The following RECQL5 variants were observed in gnomAD, a reference collection of about 807,000 sequenced individuals.
The protein encoded by RECQL5 is ATP-dependent DNA helicase Q5.
RECQL5 carries 88 observed loss-of-function variants against 103.4 expected under a neutral mutation model. The observed-to-expected ratio is 0.85, with a 90% confidence interval of 0.72 to 1.02. The LOEUF is 1.02. RECQL5 is among the 50% of genes least tolerant of loss of function. RECQL5 has a pLI of 0.00. For synonymous variants in RECQL5, 552 were observed against 507.9 expected (o/e 1.09, Z -1.17); for missense variants, 1,232 against 1,284.3 (o/e 0.96, Z 0.62).
chr17:75,632,978 G>A (rs1430656097), intron 8 of RECQL5, among the ~76,000 whole-genome samples: 1 of 152,256 alleles, frequency 6.6e-6, no homozygotes, highest in East Asian at 1.9e-4. Flanking sequence ...CAGGCTCAAG[G>A]ATGCAAGGCT....
chr17:75,666,249 G>T (rs980137382), intron 2 of RECQL5, among the ~76,000 whole-genome samples, 179 bp downstream of exon 2: 1 of 152,070 alleles, frequency 6.6e-6, no homozygotes, highest in Non-Finnish European at 1.5e-5. Context: ...AACATGCCAA[G>T]ACCCCATCTC....
In RECQL5 at chr17:75,645,197, GT is replaced by G. The variant is rs1424502499; in HGVS notation, c.1229+5988del. Among the ~76,000 whole-genome samples the G allele has an allele frequency of 1.8e-4, 27 of 152,346 alleles. No homozygotes were observed. The East Asian group carries it at 4.6e-3, about 26-fold the overall frequency. ...AAAACCTTCTGGGTTTTTACAAAAT[GT>G]CCCTGATGTTTAGTTATCATGTCTG... On this transcript the variant is annotated intron_variant, in intron 8 of 19. Transcript: ENST00000317905.
intron 2 of RECQL5, 96 bp downstream of exon 2, chr17:75,666,332 G>T: frequency 2.2e-6 from 3 of 1,393,986 alleles, no homozygotes; most frequent in Non-Finnish European, 3.0e-6. Context: ...ATGGACCAAA[G>T]GTGAGGCAGT....
intron 3 of RECQL5, among the ~76,000 whole-genome samples, chr17:75,664,687 C>T (rs902849288): frequency 6.6e-6 from 1 of 151,618 alleles, no homozygotes; most frequent in Admixed American, 6.6e-5. Flanking sequence ...CCGAGGTGGG[C>T]GGATCATTTG....
Position 75,628,835 on chromosome 17 carries a change from C to A in RECQL5, c.2490-73G>T, listed in dbSNP as rs773008871. 2.5e-6 allele frequency: 4 copies of A among 1,600,630 alleles called. No homozygotes were observed. In the African/African-American group the frequency reaches 5.4e-5, roughly 22 times the overall value. ...CCTCATCCCAGGAGGCCTAGGAGAGCCCATCTCAGGGGTGAGCTCTGAGCT... is the reference window on the plus strand; with the variant it reads ...CCTCATCCCAGGAGGCCTAGGAGAGACCATCTCAGGGGTGAGCTCTGAGCT... On this transcript the variant is annotated intron_variant, in intron 16 of 19. Transcript: ENST00000317905.
intron 8 of RECQL5, among the ~76,000 whole-genome samples, chr17:75,643,757 G>A (rs563397715): frequency 6.4e-4 from 98 of 152,280 alleles, no homozygotes; most frequent in Non-Finnish European, 1.2e-3. Context: ...TTTAGAGGAC[G>A]TCTGACTTGG....
intron 3 of RECQL5, among the ~76,000 whole-genome samples, chr17:75,664,688 G>A (rs1000225625): frequency 3.3e-5 from 5 of 151,958 alleles, no homozygotes; most frequent in African/African-American, 4.8e-5. Context: ...CGAGGTGGGC[G>A]GATCATTTGA....
chr17:75,656,522 AT>A (rs547776703), intron 7 of RECQL5, among the ~76,000 whole-genome samples: 2,522 of 145,754 alleles, frequency 0.017, 33 homozygotes, highest in Middle Eastern at 0.035. Flanking sequence ...AAAGCTACTG[AT>A]TTTTTTTTTC....
At chr17:75,644,456 A>C (rs1295999907) in intron 8 of RECQL5, among the ~76,000 whole-genome samples, 1 of 151,948 alleles carries the variant, frequency 6.6e-6, no homozygotes, top group African/African-American at 2.4e-5. Flanking sequence ...TATAAAAAAA[A>C]ATTAGCCAGG....
Position 75,658,420 on chromosome 17 carries a change from AC to A in RECQL5, c.1026del (p.Tyr343ThrfsTer32). 1 of 1,613,976 alleles carries A rather than the reference AC, an allele frequency of 6.2e-7. No homozygotes were observed. The highest frequency in any genetic ancestry group is 8.5e-7 in the Non-Finnish European group (1 of 1,179,932). ...AHWNIAKSMAGYYQESGRAGR... is the reference protein window; with the variant it reads ...AHWNIAKSMAXYYQESGRAGR... ...CCAGCCCGGCCAGACTCCTGGTAGT[AC>A]CCAGCCATAGACTTGGCAATATTCC... On this transcript the variant is annotated frameshift_variant, in exon 7 of 20. Transcript: ENST00000317905. LOFTEE classifies it high-confidence loss of function.
chr17:75,629,928 A>G (rs1258891869), intron 14 of RECQL5, 86 bp from the exon 15 acceptor site: 3 of 1,491,756 alleles, frequency 2.0e-6, no homozygotes, highest in East Asian at 2.3e-5. Flanking sequence ...ACTAGGCACT[A>G]CAAGTGGGTT....
In RECQL5 at chr17:75,645,823, A is replaced by T. The variant is rs2059482678; in HGVS notation, c.1229+5363T>A. Among the ~76,000 whole-genome samples the T allele has an allele frequency of 2.0e-5, 3 of 152,118 alleles. 1 individual carries two copies. Among genetic ancestry groups the T allele is most frequent in the Admixed American group, 2.0e-4 (3 of 15,258 alleles). ...GTGTAAACAATACGACATCCTGGCAACCCCAGAGACTGATATAAGTGGTAC... is the reference window on the plus strand; with the variant it reads ...GTGTAAACAATACGACATCCTGGCATCCCCAGAGACTGATATAAGTGGTAC... On this transcript the variant is annotated intron_variant, in intron 8 of 19. Coordinates refer to ENST00000317905, the MANE Select transcript of RECQL5 (RefSeq NM_004259.7).
rs373138396 is a variant in RECQL5 at position 75,649,968 on chromosome 17, G to C, written c.1229+1218C>G. 3 of 985,570 alleles carry C rather than the reference G, an allele frequency of 3.0e-6. No individual in the cohort carries two copies. In the African/African-American group the frequency reaches 5.2e-5, roughly 17 times the overall value. The allele number at this position is 985,570 out of a possible 1,614,324, so 61.1% of individuals were successfully genotyped here. A position where few individuals can be genotyped will look rare whatever the true frequency, so the allele number is the denominator to read the frequency against. On this transcript the variant is annotated intron_variant, in intron 8 of 19. Transcript: ENST00000317905. ...GGACCTGTTCCCTTGCCTGGCAGGC[G>C]GAGCAGACCCTGGGGACAGGCAGAG...
At chr17:75,642,819 G>A (rs1044956381) in intron 8 of RECQL5, among the ~76,000 whole-genome samples, 2 of 152,190 alleles carry the variant, frequency 1.3e-5, no homozygotes, top group African/African-American at 4.8e-5. Flanking sequence ...GCGATGTTAG[G>A]TAACTTGTCT....
In RECQL5 at chr17:75,629,099, G is replaced by C. The variant is rs181843598; in HGVS notation, c.2324C>G (p.Pro775Arg). 1.2e-6 allele frequency: 2 copies of C among 1,613,658 alleles called. No homozygotes were observed. The highest frequency in any genetic ancestry group is 1.1e-5 in the South Asian group (1 of 91,080). The change falls in exon 16 of 20, where the codon CCA (proline) becomes CGA (arginine). Residue 775 changes from proline to arginine, a missense_variant. Coordinates refer to ENST00000317905, the MANE Select transcript of RECQL5 (RefSeq NM_004259.7). ...CTCTGGGGCTGATGCCAGCAGAGCTGGGCTTTCCACCCTTCGGCAGAAGAA... is the reference window on the plus strand; with the variant it reads ...CTCTGGGGCTGATGCCAGCAGAGCTCGGCTTTCCACCCTTCGGCAGAAGAA... ...ARFFCRRVES[P>R]ALLASAPEAE... is the part of the protein sequence containing the mutation.
At chr17:75,630,899 C>A in intron 11 of RECQL5, 62 bp from the exon 12 acceptor site, 1 of 1,579,982 alleles carries the variant, frequency 6.3e-7, no homozygotes, top group Non-Finnish European at 8.6e-7. Context: ...TGAGGTCCCC[C>A]ACAGCCCGGA....
chr17:75,628,417 T>C lies in RECQL5; in HGVS notation c.2606A>G (p.Lys869Arg). The stretch of plus-strand genomic sequence containing the variant: ...GGGCTTGGCTGAGGGGCGTGGCCTC[T>C]TCTGAGGCTGGCTCTCTGGGTTCTC... ...QQENPESQPQ[K>R]RPRPSAKPSV... Residue 869 changes from lysine (K) to arginine (R), a missense_variant, in exon 18 of 20, where the codon AAG becomes AGG. Transcript: ENST00000317905. 1 of 1,613,740 alleles carries C rather than the reference T, an allele frequency of 6.2e-7. No individual in the cohort carries two copies. The highest frequency in any genetic ancestry group is 8.5e-7 in the Non-Finnish European group (1 of 1,180,006).
chr17:75,666,326 A>G, intron 2 of RECQL5, 102 bp downstream of exon 2: 1 of 1,354,456 alleles, frequency 7.4e-7, no homozygotes, highest in Non-Finnish European at 1.0e-6. Context: ...CCAGTTATGG[A>G]CCAAAGGTGA....
At chr17:75,628,557 C>A in intron 17 of RECQL5, 115 bp from the exon 18 acceptor site, 1 of 1,507,912 alleles carries the variant, frequency 6.6e-7, no homozygotes, top group South Asian at 1.2e-5. Flanking sequence ...AGCCCATCTG[C>A]TGCCAGGTGT....
Sources: allele counts gnomAD v4.1 joint callset (sites outside exome capture counted in the v4.1 genomes callset), GRCh38; gene constraint gnomAD v4.1.1; transcripts MANE v1.5; gene names NCBI Gene and HGNC (gene_info 2026-07-23, HGNC 2026-07-21).